EPHA6: variants seen among roughly 807,000 people sequenced by gnomAD.
EPHA6 encodes the protein EPH receptor A6, also known as ephrin type-A receptor 6.
EPHA6 carries 50 observed loss-of-function variants against 112.0 expected under a neutral mutation model. The observed-to-expected ratio is 0.45, with a 90% CI of 0.36 to 0.56. EPHA6 has a LOEUF of 0.56. EPHA6 is among the 20% of genes least tolerant of loss of function. The pLI, the probability that EPHA6 is intolerant of heterozygous loss-of-function variation, is 0.00. For missense variants in EPHA6, 1,280 were observed against 1,417.4 expected, an observed-to-expected ratio of 0.90 and a Z score of 1.56; for synonymous variants, 529 against 490.7, an observed-to-expected ratio of 1.08 and a Z score of -1.03.
intron 10 of EPHA6, among the ~76,000 whole-genome samples, chr3:97,526,120 A>G (rs2092616261): frequency 6.6e-6 from 1 of 152,118 alleles, no homozygotes; most frequent in African/African-American, 2.4e-5. Context: ...CTGCTTTCAG[A>G]CTGCAGTTTA....
At chr3:96,933,887 A>G (rs2040454941) in intron 2 of EPHA6, among the ~76,000 whole-genome samples, 1 of 152,014 alleles carries the variant, frequency 6.6e-6, no homozygotes, top group African/African-American at 2.4e-5. Context: ...GTGTAACAGG[A>G]AATGACCAGA....
intron 5 of EPHA6, among the ~76,000 whole-genome samples, chr3:97,274,706 G>C (rs2080009329): frequency 6.6e-6 from 1 of 152,130 alleles, no homozygotes. Flanking sequence ...GTGGCAATTA[G>C]GCCTGGTGGA....
At chr3:97,354,681 G>T (rs1225718925) in intron 5 of EPHA6, among the ~76,000 whole-genome samples, 1 of 152,116 alleles carries the variant, frequency 6.6e-6, no homozygotes, top group African/African-American at 2.4e-5. Flanking sequence ...GATCGGGGTA[G>T]AAAGTTTATT....
At chr3:97,439,636 G>T (rs1240543408) in intron 6 of EPHA6, 1 of 1,003,852 alleles carries the variant, frequency 1.0e-6, no homozygotes, top group Non-Finnish European at 1.2e-6. Flanking sequence ...GCCTCAGAAA[G>T]GCAGAAACCA....
intron 5 of EPHA6, among the ~76,000 whole-genome samples, chr3:97,337,795 G>T (rs74376689): frequency 0.022 from 3,363 of 151,996 alleles, 110 homozygotes; most frequent in African/African-American, 0.075. Context: ...AAATTCAAGG[G>T]TTTCATTGAT....
rs540528313 is a variant in EPHA6 at position 96,951,647 on chromosome 3, T to A, written c.451-35683T>A. 2.6e-5 allele frequency among the ~76,000 whole-genome samples: 4 copies of A among 152,302 alleles called. No individual in the cohort carries two copies. The South Asian group carries it at 8.3e-4, about 32-fold the overall frequency. On this transcript the variant is annotated intron_variant, in intron 2 of 17. Coordinates refer to ENST00000389672, the MANE Select transcript of EPHA6 (RefSeq NM_001080448.3). ...GGGAGCCATATTATGTCCTTTATGGTCCAATATAGACCTGAAAATCAGATA... is the reference window on the plus strand; with the variant it reads ...GGGAGCCATATTATGTCCTTTATGGACCAATATAGACCTGAAAATCAGATA...
intron 11 of EPHA6, among the ~76,000 whole-genome samples, chr3:97,544,185 T>A (rs2092910595): frequency 1.3e-5 from 2 of 152,326 alleles, no homozygotes; most frequent in South Asian, 4.2e-4. Context: ...TCAAAGGGAA[T>A]GCTTCCAGTT....
intron 5 of EPHA6, among the ~76,000 whole-genome samples, chr3:97,304,405 C>T (rs1187394688): frequency 1.3e-5 from 2 of 152,022 alleles, no homozygotes; most frequent in East Asian, 3.9e-4. Flanking sequence ...CTTTAAAATT[C>T]ATATGGAACC....
intron 10 of EPHA6, among the ~76,000 whole-genome samples, chr3:97,499,793 G>C (rs1045227679): frequency 6.6e-6 from 1 of 152,162 alleles, no homozygotes; most frequent in African/African-American, 2.4e-5. Context: ...TGAAGGACTA[G>C]AAGTTGCTCT....
At chr3:97,247,450 C>T (rs1428069643) in intron 5 of EPHA6, among the ~76,000 whole-genome samples, 1 of 151,756 alleles carries the variant, frequency 6.6e-6, no homozygotes, top group Non-Finnish European at 1.5e-5. Flanking sequence ...GCTCTGAAAG[C>T]ATATATTCTC....
rs547340816 is a variant in EPHA6 at position 97,394,171 on chromosome 3, G to T, written c.1607-10979G>T. ...TACCAAGAACAAAAACTGGAGAAAG[G>T]TCAGTCTCTTCAATATATGACATTG... On this transcript the variant is annotated intron_variant, in intron 5 of 17. Coordinates refer to ENST00000389672, the MANE Select transcript of EPHA6 (RefSeq NM_001080448.3). 3.3e-5 allele frequency among the ~76,000 whole-genome samples: 5 copies of T among 151,710 alleles called. No homozygotes were observed. In the South Asian group the frequency reaches 6.2e-4, roughly 19 times the overall value.
chr3:97,053,975 T>C (rs2045768736), intron 3 of EPHA6, among the ~76,000 whole-genome samples: 1 of 152,100 alleles, frequency 6.6e-6, no homozygotes, highest in South Asian at 2.1e-4. Flanking sequence ...TGGGTGGGTC[T>C]GTAACATCAG....
intron 6 of EPHA6, among the ~76,000 whole-genome samples, chr3:97,412,873 T>C (rs1274774475): frequency 6.6e-6 from 1 of 152,034 alleles, no homozygotes; most frequent in South Asian, 2.1e-4. Context: ...TGGGATATAC[T>C]TGGGGAGTCC....
At chr3:97,447,891 A>T in intron 6 of EPHA6, 1 of 588,132 alleles carries the variant, frequency 1.7e-6, no homozygotes, top group Non-Finnish European at 2.2e-6. Flanking sequence ...GATTATTTTT[A>T]AATCTACTTC....
At chr3:97,448,826 G>A in intron 7 of EPHA6, 96 bp downstream of exon 7, 3 of 1,154,214 alleles carry the variant, frequency 2.6e-6, no homozygotes, top group Non-Finnish European at 3.8e-6. Context: ...GTTTTTAATA[G>A]CTTGTTTAAA....
At chr3:97,421,548 A>C (rs1219063709) in intron 6 of EPHA6, among the ~76,000 whole-genome samples, 1 of 152,156 alleles carries the variant, frequency 6.6e-6, no homozygotes, top group Non-Finnish European at 1.5e-5. Flanking sequence ...TAGAAAGATC[A>C]ATTTTACCCC....
In EPHA6 at chr3:97,558,571, T is replaced by A. The variant is rs187117287; in HGVS notation, c.2386+26028T>A. On this transcript the variant is annotated intron_variant, in intron 11 of 17. Coordinates refer to ENST00000389672, the MANE Select transcript of EPHA6 (RefSeq NM_001080448.3). ...CTGCTACACCTCCACCTTCTACATA[T>A]ATAATTGTCTCTATGCATGCATACA... Among the ~76,000 whole-genome samples, 284 of 152,106 alleles carry A rather than the reference T, an allele frequency of 1.9e-3. 1 individual carries two copies. The highest frequency in any genetic ancestry group is 3.1e-3 in the Non-Finnish European group (208 of 67,912).
chr3:97,523,948 T>C (rs2092582179), intron 10 of EPHA6, among the ~76,000 whole-genome samples: 1 of 152,084 alleles, frequency 6.6e-6, no homozygotes, highest in African/African-American at 2.4e-5. Context: ...CATCTGCCTC[T>C]TATTCCATAC....
chr3:97,481,814 A>G (rs919419724), intron 9 of EPHA6, among the ~76,000 whole-genome samples: 2 of 152,230 alleles, frequency 1.3e-5, no homozygotes, highest in African/African-American at 4.8e-5. Context: ...AGATTGCAGA[A>G]ACCTGGATCC....
Sources: gnomAD v4.1 joint callset for allele counts (sites outside exome capture counted in the v4.1 genomes callset) on GRCh38, gnomAD v4.1.1 for gene constraint, MANE v1.5 for transcripts, NCBI Gene and HGNC (gene_info 2026-07-23, HGNC 2026-07-21) for gene names.